ARL3: variants seen among roughly 807,000 people sequenced by gnomAD.
ARL3 encodes ADP-ribosylation factor-like protein 3.
Under a neutral mutation model 26.0 loss-of-function variants are expected in ARL3, and 9 were observed. That is an observed-to-expected ratio of 0.35 (90% CI 0.21 to 0.60). The LOEUF (loss-of-function observed/expected upper bound fraction) is 0.60. Ranked by LOEUF, ARL3 falls within the 20% of genes least tolerant of loss-of-function variation. ARL3 has a pLI of 0.78. For missense variants in ARL3, 158 were observed against 215.7 expected (o/e 0.73, Z 1.67); for synonymous variants, 71 against 78.4 (o/e 0.91, Z 0.50).
intron 5 of ARL3, among the ~76,000 whole-genome samples, chr10:102,677,288 T>C (rs535174511): frequency 1.3e-5 from 2 of 152,364 alleles, no homozygotes; most frequent in Admixed American, 6.5e-5. Flanking sequence ...TTTTTGGCTT[T>C]TTCTAAAAGG....
intron 1 of ARL3, 46 bp from the exon 2 acceptor site, chr10:102,705,535 G>A (rs776690579): frequency 6.7e-7 from 1 of 1,483,330 alleles, no homozygotes; most frequent in Non-Finnish European, 9.1e-7. Context: ...GGCACTGACT[G>A]TGATATTAAC....
Position 102,676,553 on chromosome 10 carries a change from A to G in ARL3, c.*341T>C. The stretch of plus-strand genomic sequence containing the variant: ...TTTTCTTTTTCTTTTTTTTTTTTTG[A>G]GAGGAAAAAAAAGCCCACTGGAATT... On this transcript the variant is annotated 3_prime_UTR_variant, in exon 6 of 6. Transcript: ENST00000260746. The G allele has an allele frequency of 6.4e-6, 1 of 157,334 alleles. No individual in the cohort carries two copies. The highest frequency in any genetic ancestry group is 1.4e-5 in the Non-Finnish European group (1 of 73,580). 9.7% of individuals were successfully genotyped at this position (157,334 alleles called of 1,614,324 possible).
At position 102,705,442 on chromosome 10, in the gene ARL3, C is replaced by T; in HGVS notation, c.51G>A (p.Glu17=). 6.2e-7 allele frequency: 1 copy of T among 1,609,256 alleles called. No homozygotes were observed. Among genetic ancestry groups the T allele is most frequent in the Non-Finnish European group, 8.5e-7 (1 of 1,176,072 alleles). The part of the protein sequence containing the change: ...LRKLKSAPDQ[E]VRILLLGLDN... ...CCAAGCCCAGGAGAAGTATTCTCAC[C>T]TCCTGGTCTGGTGCACTTTTCAACT... Residue 17 remains glutamate (E), a synonymous_variant, in exon 2 of 6, where the codon GAG becomes GAA. Transcript: ENST00000260746.
At chr10:102,684,694 A>T (rs1424541035) in intron 5 of ARL3, among the ~76,000 whole-genome samples, 1 of 151,810 alleles carries the variant, frequency 6.6e-6, no homozygotes, top group Non-Finnish European at 1.5e-5. Context: ...GCTGGAGTGC[A>T]GTGATGCGAT....
chr10:102,704,382 G>C (rs1468590401), intron 2 of ARL3, among the ~76,000 whole-genome samples: 1 of 152,152 alleles, frequency 6.6e-6, no homozygotes, highest in Non-Finnish European at 1.5e-5. Flanking sequence ...GCTCACACCT[G>C]TAATCCCAGC....
chr10:102,689,116 A>G (rs964666132), intron 4 of ARL3, among the ~76,000 whole-genome samples: 2 of 152,074 alleles, frequency 1.3e-5, no homozygotes, highest in Non-Finnish European at 2.9e-5. Flanking sequence ...TGAGGTCAAG[A>G]GTTCAAGACC....
At chr10:102,705,621 G>T in intron 1 of ARL3, 132 bp from the exon 2 acceptor site, 1 of 935,476 alleles carries the variant, frequency 1.1e-6, no homozygotes, top group Non-Finnish European at 1.5e-6. Flanking sequence ...TCATTCTAAT[G>T]CCACTTATTC....
At chr10:102,689,569 C>T (rs1264166047) in intron 4 of ARL3, among the ~76,000 whole-genome samples, 1 of 152,138 alleles carries the variant, frequency 6.6e-6, no homozygotes, top group African/African-American at 2.4e-5. Context: ...TGGTGGCTCA[C>T]GCCTGTAATC....
chr10:102,707,172 C>T (rs1410781395), intron 1 of ARL3, among the ~76,000 whole-genome samples: 1 of 152,024 alleles, frequency 6.6e-6, no homozygotes, highest in Non-Finnish European at 1.5e-5. Flanking sequence ...GTGGCGCAGG[C>T]CTGTGGTCCC....
intron 3 of ARL3, among the ~76,000 whole-genome samples, chr10:102,696,867 T>C (rs1233041974): frequency 1.3e-5 from 2 of 152,180 alleles, no homozygotes; most frequent in Non-Finnish European, 2.9e-5. Flanking sequence ...AGATGTCAAA[T>C]AGGCAGCTGG....
rs185297361 is a variant in ARL3 at position 102,683,774 on chromosome 10, C to T, written c.501+2042G>A. On this transcript the variant is annotated intron_variant, in intron 5 of 5. Coordinates refer to ENST00000260746, the MANE Select transcript of ARL3 (RefSeq NM_004311.4). Reference sequence around the variant, plus strand: ...TCTACGGTGGTTACACAGCCAGGAGCATGGAGTTCTATCCTTTAATCTCCA... The same window carrying T: ...TCTACGGTGGTTACACAGCCAGGAGTATGGAGTTCTATCCTTTAATCTCCA... Among the ~76,000 whole-genome samples the T allele has an allele frequency of 5.2e-4, 79 of 152,198 alleles. 1 individual carries two copies. In the East Asian group the frequency reaches 0.014, roughly 28 times the overall value.
chr10:102,708,906 A>AT (rs1442987501), intron 1 of ARL3, among the ~76,000 whole-genome samples: 201 of 100,178 alleles, frequency 2.0e-3, no homozygotes, highest in Middle Eastern at 0.017. Flanking sequence ...ATATATATAT[A>AT]TATTTTTTTT....
Position 102,676,524 on chromosome 10 carries a change from C to A in ARL3, c.*370G>T. ...ATGAACTCAGCAAAGCTGCTTCTTC[C>A]TCTTTTTCTTTTTCTTTTTTTTTTT... On this transcript the variant is annotated 3_prime_UTR_variant, in exon 6 of 6. Transcript: ENST00000260746. 5.8e-6 allele frequency: 1 copy of A among 173,864 alleles called. No individual in the cohort carries two copies. The allele number at this position is 173,864 out of a possible 1,614,324, so 10.8% of individuals were successfully genotyped here. A position where few individuals can be genotyped will look rare whatever the true frequency, so the allele number is the denominator to read the frequency against.
chr10:102,677,983 C>T, intron 5 of ARL3, among the ~76,000 whole-genome samples: 1 of 152,134 alleles, frequency 6.6e-6, no homozygotes, highest in Non-Finnish European at 1.5e-5. Flanking sequence ...TATCAGCTGA[C>T]ACCCTTGGCC....
At position 102,693,691 on chromosome 10, in the gene ARL3, T is replaced by C. The variant is rs143315287; in HGVS notation, c.265-3748A>G. 3.4e-3 allele frequency among the ~76,000 whole-genome samples: 525 copies of C among 152,312 alleles called. 15 individuals carry two copies. The East Asian group carries it at 0.071, about 20-fold the overall frequency. On this transcript the variant is annotated intron_variant, in intron 3 of 5. Coordinates refer to ENST00000260746, the MANE Select transcript of ARL3 (RefSeq NM_004311.4). ...CAGAAGTTTTATTTTATTTATTTTT[T>C]TGAGATAGAGTCTCACTCTGTCACC...
chr10:102,707,307 A>G (rs956920915), intron 1 of ARL3, among the ~76,000 whole-genome samples: 2 of 152,104 alleles, frequency 1.3e-5, no homozygotes, highest in Admixed American at 1.3e-4. Context: ...CAAAAAGAAA[A>G]AAAAAGAAAA....
chr10:102,686,138 C>G, intron 4 of ARL3, 137 bp from the exon 5 acceptor site: 1 of 683,308 alleles, frequency 1.5e-6, no homozygotes, highest in Non-Finnish European at 2.3e-6. Context: ...ATGGCGTGAT[C>G]TCGGCTCACT....
rs2064304466 is a variant in ARL3, at chr10:102,705,446, T to C, written c.47A>G (p.Gln16Arg). The change falls in exon 2 of 6, where the codon CAG becomes CGG. Residue 16 changes from glutamine to arginine, a missense_variant. By Grantham distance (43) the Gln-to-Arg change is conservative. Transcript: ENST00000260746. The part of the protein sequence containing the change: ...ILRKLKSAPD[Q>R]EVRILLLGLD... ...GCCCAGGAGAAGTATTCTCACCTCCTGGTCTGGTGCACTTTTCAACTTGCG... is the reference window on the plus strand; with the variant it reads ...GCCCAGGAGAAGTATTCTCACCTCCCGGTCTGGTGCACTTTTCAACTTGCG... 6.2e-7 allele frequency: 1 copy of C among 1,608,636 alleles called. No homozygotes were observed. The highest frequency in any genetic ancestry group is 8.5e-7 in the Non-Finnish European group (1 of 1,175,474).
In ARL3 at chr10:102,677,576, T is replaced by G. The variant is rs542331868; in HGVS notation, c.502-635A>C. On this transcript the variant is annotated intron_variant, in intron 5 of 5. Coordinates refer to ENST00000260746, the MANE Select transcript of ARL3 (RefSeq NM_004311.4). ...GGTTCCCTTAAAGGCACAATGACCT[T>G]GAAAGCGCCCTCTCTTAGAAGGCTG... 2.6e-5 allele frequency among the ~76,000 whole-genome samples: 4 copies of G among 152,288 alleles called. No individual in the cohort carries two copies. In the South Asian group the frequency reaches 8.3e-4, roughly 32 times the overall value.
Sources: gnomAD v4.1 joint callset for allele counts (sites outside exome capture counted in the v4.1 genomes callset) on GRCh38, gnomAD v4.1.1 for gene constraint, MANE v1.5 for transcripts, NCBI Gene and HGNC (gene_info 2026-07-23, HGNC 2026-07-21) for gene names.